The following UFD1 variants were observed in gnomAD, a reference collection of about 807,000 sequenced individuals.
UFD1 encodes the protein ubiquitin recognition factor in ER-associated degradation protein 1.
In UFD1, 13 loss-of-function variants were observed where a neutral mutation model predicts 45.9. That is an observed-to-expected ratio of 0.28 (90% CI 0.18 to 0.45). The LOEUF (loss-of-function observed/expected upper bound fraction) is 0.45, where lower values mean the gene tolerates loss of function less well. Ranked by LOEUF, UFD1 falls within the 20% of genes least tolerant of loss-of-function variation. UFD1 has a pLI of 1.00. For synonymous variants in UFD1, 128 were observed against 139.2 expected (o/e 0.92, Z 0.56); for missense variants, 218 against 389.2 (o/e 0.56, Z 3.70).
At position 19,456,648 on chromosome 22, in the gene UFD1, A is replaced by C. The variant is rs766219304; in HGVS notation, c.631-14T>G. 1.9e-6 allele frequency: 3 copies of C among 1,614,194 alleles called. No homozygotes were observed. Among genetic ancestry groups the C allele is most frequent in the Middle Eastern group, 1.6e-4 (1 of 6,062 alleles). On this transcript the variant is annotated splice_polypyrimidine_tract_variant and intron_variant, in intron 8 of 11. Coordinates refer to ENST00000263202, the MANE Select transcript of UFD1 (RefSeq NM_005659.7). ...GGCTTCACCTTCCTGACAGGGAAAA[A>C]GAAAAACAGGTGAGCTCCTCAGCGG...
At chr22:19,476,677 C>T (rs1027908561) in intron 1 of UFD1, among the ~76,000 whole-genome samples, 1 of 150,124 alleles carries the variant, frequency 6.7e-6, no homozygotes, top group Non-Finnish European at 1.5e-5. Flanking sequence ...TTTTCTTATA[C>T]ATATCTACAA....
At chr22:19,455,861 G>T (rs2089719095) in intron 9 of UFD1, 93 bp from the exon 10 acceptor site, 1 of 1,187,336 alleles carries the variant, frequency 8.4e-7, no homozygotes, top group African/African-American at 1.5e-5. Context: ...TGAGCTGGGG[G>T]TGCTGTGCAG....
chr22:19,451,998 T>G, intron 11 of UFD1: 5 of 941,578 alleles, frequency 5.3e-6, no homozygotes, highest in Non-Finnish European at 6.3e-6. Flanking sequence ...TCCTAGGAGC[T>G]TCCTGAGAAA....
chr22:19,465,590 C>G (rs1433078122), intron 5 of UFD1: 4 of 318,424 alleles, frequency 1.3e-5, no homozygotes, highest in South Asian at 3.5e-5. Context: ...TGGGAGGTAG[C>G]TGAGAGGTTT....
chr22:19,454,880 C>A, intron 10 of UFD1, 50 bp from the exon 11 acceptor site: 1 of 1,579,908 alleles, frequency 6.3e-7, no homozygotes, highest in Non-Finnish European at 8.6e-7. Context: ...GAAAAAAGGA[C>A]TAAAATTCAT....
intron 4 of UFD1, chr22:19,471,216 C>T (rs1362071957): frequency 3.9e-6 from 2 of 511,196 alleles, no homozygotes; most frequent in Non-Finnish European, 7.8e-6. Flanking sequence ...CAAAGAGAGC[C>T]TGCTTGTAAG....
Position 19,454,234 on chromosome 22 carries a change from GAAA to G in UFD1, c.849+512_849+514del, listed in dbSNP as rs897928556. ...TCATACACCCTACACCAGCTCTACAGAAAAAAACAGGACACCAGGGAGCAGAGG... is the reference window on the plus strand; with the variant it reads ...TCATACACCCTACACCAGCTCTACAGAAAACAGGACACCAGGGAGCAGAGG... On this transcript the variant is annotated intron_variant, in intron 11 of 11. Transcript: ENST00000263202. The G allele has an allele frequency of 1.9e-4, 187 of 994,124 alleles. 1 individual carries two copies. Among genetic ancestry groups the G allele is most frequent in the Non-Finnish European group, 2.2e-4 (184 of 835,066 alleles). The allele number at this position is 994,124 out of a possible 1,614,324, so 61.6% of individuals were successfully genotyped here.
At position 19,471,443 on chromosome 22, in the gene UFD1, G is replaced by A. The variant is rs532350161; in HGVS notation, c.291+244C>T. 274 of 738,440 alleles carry A rather than the reference G, an allele frequency of 3.7e-4. No individual in the cohort carries two copies. In the African/African-American group the frequency reaches 4.2e-3, roughly 11 times the overall value. 45.7% of individuals were successfully genotyped at this position (738,440 alleles called of 1,614,324 possible). A position where few individuals can be genotyped will look rare whatever the true frequency, so the allele number is the denominator to read the frequency against. On this transcript the variant is annotated intron_variant, in intron 4 of 11. Transcript: ENST00000263202. ...AATCACAGATGAACAGTTCAGCTGC[G>A]CAACTATCAAAGAAAAGGCCACTCC... is the stretch of plus-strand genomic sequence containing the variant.
chr22:19,454,430 C>G, intron 11 of UFD1: 1 of 732,316 alleles, frequency 1.4e-6, no homozygotes, highest in Non-Finnish European at 1.8e-6. Context: ...GTGCTGTTAT[C>G]ATGATAGTGA....
At chr22:19,466,300 G>C (rs1054912399) in intron 5 of UFD1, 5 of 152,312 alleles carry the variant, frequency 3.3e-5, no homozygotes, top group African/African-American at 1.2e-4. Flanking sequence ...GAGCCCTCAG[G>C]CTGAGAACAC....
intron 8 of UFD1, 87 bp downstream of exon 8, chr22:19,456,766 A>C (rs2089726569): frequency 9.9e-6 from 16 of 1,613,434 alleles, no homozygotes; most frequent in Admixed American, 3.3e-5. Flanking sequence ...CTACACCAAC[A>C]CTAGCAGAGG....
intron 11 of UFD1, 40 bp downstream of exon 11, chr22:19,454,709 C>T: frequency 1.2e-6 from 2 of 1,613,410 alleles, no homozygotes; most frequent in Non-Finnish European, 1.7e-6. Flanking sequence ...AAATAAATCT[C>T]CTCATTACCA....
chr22:19,460,966 G>C (rs2146294265), intron 6 of UFD1, among the ~76,000 whole-genome samples: 1 of 152,100 alleles, frequency 6.6e-6, no homozygotes, highest in African/African-American at 2.4e-5. Context: ...ATGTTACCCA[G>C]GCTACTCTCA....
chr22:19,468,301 G>T (rs1443906039), intron 4 of UFD1, among the ~76,000 whole-genome samples: 1 of 152,172 alleles, frequency 6.6e-6, no homozygotes, highest in Non-Finnish European at 1.5e-5. Context: ...CATTTTCCTG[G>T]AATAGTCACT....
chr22:19,469,934 T>C lies in UFD1; in HGVS notation c.291+1753A>G, dbSNP rs897621813. The C allele has an allele frequency of 1.5e-5, 8 of 518,572 alleles. 1 individual carries two copies. Among genetic ancestry groups the C allele is most frequent in the Admixed American group, 1.9e-5 (1 of 51,536 alleles). 32.1% of individuals were successfully genotyped at this position (518,572 alleles called of 1,614,324 possible). On this transcript the variant is annotated intron_variant, in intron 4 of 11. Coordinates refer to ENST00000263202, the MANE Select transcript of UFD1 (RefSeq NM_005659.7). The stretch of plus-strand genomic sequence containing the variant: ...AGAGGCCACCCAAACTTCAAGTCTA[T>C]GGGTTAAAGGAGAACCTTCGAGATA...
chr22:19,457,222 C>A (rs1353551847), intron 7 of UFD1, among the ~76,000 whole-genome samples: 1 of 152,132 alleles, frequency 6.6e-6, no homozygotes, highest in African/African-American at 2.4e-5. Flanking sequence ...GGGCATGTAT[C>A]CACCACAGTT....
intron 6 of UFD1, among the ~76,000 whole-genome samples, chr22:19,459,297 A>G (rs988859354): frequency 2.0e-5 from 3 of 152,212 alleles, no homozygotes; most frequent in Non-Finnish European, 4.4e-5. Context: ...GACCTCACCT[A>G]TGTAAAAAAG....
At position 19,457,811 on chromosome 22, in the gene UFD1, CA is replaced by C. The variant is rs199536023; in HGVS notation, c.564+259del. 2.7e-3 allele frequency among the ~76,000 whole-genome samples: 387 copies of C among 145,068 alleles called. 2 individuals carry two copies. The highest frequency in any genetic ancestry group is 0.017 in the Middle Eastern group (5 of 286). On this transcript the variant is annotated intron_variant, in intron 7 of 11. Transcript: ENST00000263202. ...GGGCAACAGGAGTGAAACTAAGTCT[CA>C]AAAAAAAAAAGAATATTCACTCCTC... is the stretch of plus-strand genomic sequence containing the variant.
intron 6 of UFD1, among the ~76,000 whole-genome samples, chr22:19,459,492 G>A (rs1173885511): frequency 1.3e-5 from 2 of 152,058 alleles, no homozygotes; most frequent in African/African-American, 2.4e-5. Flanking sequence ...GCAGGTGCCT[G>A]TAGTCCCAGC....
Sources: allele counts gnomAD v4.1 joint callset (sites outside exome capture counted in the v4.1 genomes callset), GRCh38; gene constraint gnomAD v4.1.1; transcripts MANE v1.5; gene names NCBI Gene and HGNC (gene_info 2026-07-23, HGNC 2026-07-21).